Variants in MAP3K11 observed in about 807,000 individuals in gnomAD.
MAP3K11 encodes SH3 domain-containing proline-rich kinase.
MAP3K11 carries 46 observed loss-of-function variants against 84.9 expected under a neutral mutation model. The ratio of observed to expected loss-of-function variants is 0.54; its 90% CI spans 0.43 to 0.69. MAP3K11 has a LOEUF of 0.69. Ranked by LOEUF, MAP3K11 falls within the 30% of genes least tolerant of loss-of-function variation. MAP3K11 has a pLI of 0.00. For missense variants in MAP3K11, 1,053 were observed against 1,198.3 expected (o/e 0.88, Z 1.79); for synonymous variants, 527 against 514.7 (o/e 1.02, Z -0.32).
At chr11:65,602,884 G>A (rs1156459204) in intron 8 of MAP3K11, among the ~76,000 whole-genome samples, 1 of 152,066 alleles carries the variant, frequency 6.6e-6, no homozygotes, top group Non-Finnish European at 1.5e-5. Flanking sequence ...GGAGGCTGGG[G>A]TGGGTGGACT....
In MAP3K11 at chr11:65,613,540, G is replaced by A. The variant is rs375370224; in HGVS notation, c.217C>T (p.Arg73Trp). The change falls in exon 1 of 10, where the codon CGG becomes TGG. Residue 73 changes from arginine to tryptophan, a missense_variant. Around this residue, in one of 3 missense-constraint regions of MAP3K11, gnomAD observed 160 missense variants for 167.3 expected, o/e 0.96. Coordinates refer to ENST00000309100, the MANE Select transcript of MAP3K11 (RefSeq NM_002419.4). Reference sequence around the variant, plus strand: ...TCGTCTCCTGAGATGGCTGCGTCCCGGGACAGCACCTCCACACGGTCACCC... The same window carrying A: ...TCGTCTCCTGAGATGGCTGCGTCCCAGGACAGCACCTCCACACGGTCACCC... ...RKGDRVEVLSRDAAISGDEGW... is the reference protein window; with the variant it reads ...RKGDRVEVLSWDAAISGDEGW... 1.4e-4 allele frequency: 230 copies of A among 1,610,590 alleles called. No homozygotes were observed. Among genetic ancestry groups the A allele is most frequent in the Middle Eastern group, 8.2e-4 (5 of 6,068 alleles).
At chr11:65,604,205 A>T (rs955926944) in intron 8 of MAP3K11, among the ~76,000 whole-genome samples, 22 of 152,260 alleles carry the variant, frequency 1.4e-4, no homozygotes, top group African/African-American at 4.6e-4. Flanking sequence ...TCTTTGGATA[A>T]AAAAACATGG....
rs1225482176 is a variant in MAP3K11, at chr11:65,607,421, G to C, written c.1338C>G (p.Ala446=). 1 of 1,499,734 alleles carries C rather than the reference G, an allele frequency of 6.7e-7. No homozygotes were observed. The highest frequency in any genetic ancestry group is 1.4e-5 in the African/African-American group (1 of 71,696). The allele number at this position is 1,499,734 out of a possible 1,614,324, so 92.9% of individuals were successfully genotyped here. Residue 446 remains alanine, a synonymous_variant, in exon 5 of 10, where the codon GCC becomes GCG. Transcript: ENST00000309100. ...EQLRRREHLL[A]QWELEVFERE... is the part of the protein sequence containing the mutation. ...GCTCGAACACCTCTAGCTCCCACTG[G>C]GCCAGCAGGTGCTCGCGCCGCCGCA...
intron 8 of MAP3K11, among the ~76,000 whole-genome samples, chr11:65,602,363 A>T (rs930055325): frequency 1.3e-5 from 2 of 151,244 alleles, no homozygotes; most frequent in African/African-American, 4.9e-5. Flanking sequence ...TACAAAAATT[A>T]GGCCGGGCAT....
Position 65,606,740 on chromosome 11 carries a change from C to G in MAP3K11, c.1554G>C (p.Glu518Asp), listed in dbSNP as rs900261135. Residue 518 changes from glutamate (E) to aspartate (D), a missense_variant, in exon 6 of 10, where the codon GAG becomes GAC. This residue lies in a region of MAP3K11 where 583 missense variants were observed against 566.6 expected (regional missense o/e 1.03). Transcript: ENST00000309100. ...AGGTGGGCGAATCCCCAGGCCCGACCTCGAAGACGTTTCTCCTCCGGTCAA... is the reference window on the plus strand; with the variant it reads ...AGGTGGGCGAATCCCCAGGCCCGACGTCGAAGACGTTTCTCCTCCGGTCAA... ...PGLDRRRNVF[E>D]VGPGDSPTFP... The G allele has an allele frequency of 1.2e-6, 2 of 1,605,280 alleles. No homozygotes were observed. Among genetic ancestry groups the G allele is most frequent in the African/African-American group, 2.7e-5 (2 of 74,358 alleles).
Position 65,607,954 on chromosome 11 carries a change from G to A in MAP3K11, c.1037C>T (p.Thr346Ile), listed in dbSNP as rs141071251. The A allele has an allele frequency of 1.6e-5, 26 of 1,614,074 alleles. No individual in the cohort carries two copies. The highest frequency in any genetic ancestry group is 2.2e-5 in the Non-Finnish European group (26 of 1,180,040). Residue 346 changes from threonine to isoleucine, a missense_variant, in exon 3 of 10, where the codon ACC (threonine) becomes ATC (isoleucine). Physicochemically the swap from Thr to Ile is moderately conservative, Grantham distance 89. Coordinates refer to ENST00000309100, the MANE Select transcript of MAP3K11 (RefSeq NM_002419.4). Reference protein sequence around the residue: ...VNKLTLPIPSTCPEPFAQLMA... With the variant: ...VNKLTLPIPSICPEPFAQLMA... The stretch of plus-strand genomic sequence containing the variant: ...AAGCTGTGCGAAGGGCTCGGGGCAG[G>A]TGGATGGGATGGGCAGTGTGAGCTT...
At chr11:65,604,133 T>C (rs1151488) in intron 8 of MAP3K11, among the ~76,000 whole-genome samples, 40,578 of 152,270 alleles carry the variant, frequency 0.27, 5,662 homozygotes, top group Middle Eastern at 0.39. Flanking sequence ...TTGTCACTGA[T>C]CTGAACTATT....
At chr11:65,608,485 T>A (rs1854538695) in intron 1 of MAP3K11, 37 bp from the exon 2 acceptor site, 3 of 1,606,502 alleles carry the variant, frequency 1.9e-6, no homozygotes, top group African/African-American at 2.7e-5. Context: ...TGCTCCAGGA[T>A]CAGGTGGTGG....
In MAP3K11 at chr11:65,598,194, A is replaced by C; in HGVS notation, c.*97T>G. On this transcript the variant is annotated 3_prime_UTR_variant, in exon 10 of 10. Coordinates refer to ENST00000309100, the MANE Select transcript of MAP3K11 (RefSeq NM_002419.4). ...CAAAGGGGGGTGGGGTCCCTGGGGA[A>C]ACTGAGGCAGCTGCAGAGGCTGACC... The C allele has an allele frequency of 9.2e-7, 1 of 1,083,198 alleles. No individual in the cohort carries two copies. Among genetic ancestry groups the C allele is most frequent in the Non-Finnish European group, 1.2e-6 (1 of 817,856 alleles). 67.1% of individuals were successfully genotyped at this position (1,083,198 alleles called of 1,614,324 possible).
At position 65,607,916 on chromosome 11, in the gene MAP3K11, T is replaced by G; in HGVS notation, c.1069+6A>C. On this transcript the variant is annotated splice_donor_region_variant and intron_variant, in intron 3 of 9. Coordinates refer to ENST00000309100, the MANE Select transcript of MAP3K11 (RefSeq NM_002419.4). ...TGTACCTCACCTGCCCTCCCCGTCC[T>G]CTTACCGGCCATAAGCTGTGCGAAG... 1 of 1,613,146 alleles carries G rather than the reference T, an allele frequency of 6.2e-7. No individual in the cohort carries two copies. Among genetic ancestry groups the G allele is most frequent in the South Asian group, 1.1e-5 (1 of 91,044 alleles).
At chr11:65,602,788 G>C (rs1482540540) in intron 8 of MAP3K11, among the ~76,000 whole-genome samples, 11 of 150,330 alleles carry the variant, frequency 7.3e-5, no homozygotes, top group Non-Finnish European at 1.6e-4. Context: ...CTGGGTGACA[G>C]AACAAGACTC....
rs1590855787 is a variant in MAP3K11, at chr11:65,605,548, A to T, written c.1831+213T>A. On this transcript the variant is annotated intron_variant, in intron 8 of 9. Transcript: ENST00000309100. Reference sequence around the variant, plus strand: ...GGATGAGACTCTGGGCCCCGAGCCGAGGCCTGGGCTGTATGCCGCTTGATC... The same window carrying T: ...GGATGAGACTCTGGGCCCCGAGCCGTGGCCTGGGCTGTATGCCGCTTGATC... The T allele has an allele frequency of 1.2e-5, 6 of 486,442 alleles. No individual in the cohort carries two copies. The East Asian group carries it at 2.2e-4, about 18-fold the overall frequency. The allele number at this position is 486,442 out of a possible 1,614,324, so 30.1% of individuals were successfully genotyped here. A position where few individuals can be genotyped will look rare whatever the true frequency, so the allele number is the denominator to read the frequency against.
At chr11:65,606,425 AAATAG>A (rs1854508560) in intron 6 of MAP3K11, 1 of 425,966 alleles carries the variant, frequency 2.3e-6, no homozygotes, top group Non-Finnish European at 4.1e-6. Flanking sequence ...AATAACTACC[AAATAG>A]AATTATTGCA....
At chr11:65,608,639 T>A in intron 1 of MAP3K11, 191 bp from the exon 2 acceptor site, 1 of 570,762 alleles carries the variant, frequency 1.8e-6, no homozygotes, top group Non-Finnish European at 3.1e-6. Context: ...TTTCTTAAGA[T>A]AGAGTTTTGC....
At chr11:65,599,888 G>A in intron 8 of MAP3K11, 120 bp from the exon 9 acceptor site, 1 of 1,042,748 alleles carries the variant, frequency 9.6e-7, no homozygotes, top group South Asian at 1.5e-5. Flanking sequence ...CATCTTCCCT[G>A]GTCCCACAGG....
At position 65,598,179 on chromosome 11, in the gene MAP3K11, T is replaced by TG. The variant is rs1191542351; in HGVS notation, c.*111dup. On this transcript the variant is annotated 3_prime_UTR_variant, in exon 10 of 10. Coordinates refer to ENST00000309100, the MANE Select transcript of MAP3K11 (RefSeq NM_002419.4). ...AGTGTTCCTGACCCCCAAAGGGGGGTGGGGTCCCTGGGGAAACTGAGGCAG... is the reference window on the plus strand; with the variant it reads ...AGTGTTCCTGACCCCCAAAGGGGGGTGGGGGTCCCTGGGGAAACTGAGGCAG... 1 of 887,966 alleles carries TG rather than the reference T, an allele frequency of 1.1e-6. No homozygotes were observed. The highest frequency in any genetic ancestry group is 1.7e-5 in the African/African-American group (1 of 58,024). The allele number at this position is 887,966 out of a possible 1,614,324, so 55.0% of individuals were successfully genotyped here. A position where few individuals can be genotyped will look rare whatever the true frequency, so the allele number is the denominator to read the frequency against.
chr11:65,606,222 T>C, intron 6 of MAP3K11, 141 bp from the exon 7 acceptor site: 3 of 980,282 alleles, frequency 3.1e-6, no homozygotes, highest in Non-Finnish European at 4.2e-6. Flanking sequence ...GCAAGATAGA[T>C]GGGTTTGGGT....
intron 9 of MAP3K11, among the ~76,000 whole-genome samples, chr11:65,599,138 G>A (rs936650543): frequency 2.0e-5 from 3 of 152,170 alleles, no homozygotes; most frequent in Non-Finnish European, 4.4e-5. Context: ...GGGATCACAG[G>A]CGTGCACCAC....
At chr11:65,600,707 T>C (rs1854446485) in intron 8 of MAP3K11, among the ~76,000 whole-genome samples, 1 of 152,210 alleles carries the variant, frequency 6.6e-6, no homozygotes, top group African/African-American at 2.4e-5. Context: ...AGATCCCTCC[T>C]TGGCTCTAGA....
Sources: gnomAD v4.1 joint callset for allele counts (sites outside exome capture counted in the v4.1 genomes callset) on GRCh38, gnomAD v4.1.1 for gene constraint, gnomAD v4.1.1 regional missense constraint, MANE v1.5 for transcripts, NCBI Gene and HGNC (gene_info 2026-07-23, HGNC 2026-07-21) for gene names.